Variants in SCARA3 observed in about 807,000 individuals in gnomAD.
SCARA3 encodes scavenger receptor class A member 3, also known as cellular stress response gene protein.
A neutral mutation model predicts 47.0 loss-of-function variants in SCARA3; 39 were observed. The ratio of observed to expected loss-of-function variants is 0.83; its 90% confidence interval spans 0.64 to 1.08. The LOEUF (loss-of-function observed/expected upper bound fraction) is 1.08. SCARA3 is among the 50% of genes least tolerant of loss of function. The probability of loss-of-function intolerance (pLI) is 0.00; values close to 1 mark genes in which losing one functional copy is unlikely to be tolerated. For synonymous variants in SCARA3, 356 were observed against 334.1 expected (o/e 1.07, Z -0.71); for missense variants, 724 against 792.3 (o/e 0.91, Z 1.04).
intron 1 of SCARA3, among the ~76,000 whole-genome samples, chr8:27,647,127 G>A (rs573499685): frequency 2.0e-5 from 3 of 151,952 alleles, no homozygotes; most frequent in Non-Finnish European, 4.4e-5. Flanking sequence ...ACATACACAG[G>A]TACACACACA....
rs201020809 is a variant in SCARA3 at position 27,649,777 on chromosome 8, C to T, written c.83C>T (p.Pro28Leu). ...CTGGCGGGTGACGACGAGGACATGC[C>T]GACCTTCCCATGCACCCAGAAGGGT... ...EDLAGDDEDM[P>L]TFPCTQKGRP... Residue 28 changes from proline to leucine, a missense_variant, in exon 2 of 6, where the codon CCG (proline) becomes CTG (leucine). Pro to Leu is a moderately conservative substitution (Grantham distance 98). Coordinates refer to ENST00000301904, the MANE Select transcript of SCARA3 (RefSeq NM_016240.3). 8.1e-5 allele frequency: 130 copies of T among 1,613,972 alleles called. No individual in the cohort carries two copies. Among genetic ancestry groups the T allele is most frequent in the Middle Eastern group, 3.3e-4 (2 of 6,080 alleles).
downstream of SCARA3, among the ~76,000 whole-genome samples, chr8:27,679,093 T>C (rs143034008): frequency 6.6e-6 from 1 of 152,302 alleles, no homozygotes; most frequent in South Asian, 2.1e-4. Flanking sequence ...TTGTTGCTTA[T>C]ATTTTATTGT....
At chr8:27,696,010 T>G in the SCARA3 span, among the ~76,000 whole-genome samples, 1 of 152,022 alleles carries the variant, frequency 6.6e-6, no homozygotes, top group Non-Finnish European at 1.5e-5. Flanking sequence ...GAATAAAGAT[T>G]TTTTTTATTT....
chr8:27,634,073 G>C lies in SCARA3; in HGVS notation c.-128G>C. The stretch of plus-strand genomic sequence containing the variant: ...CGCGCCGGAGCATGAGTCCCGGCCG[G>C]AGCCCCACGGCCGCGGGCGGCGCCT... On this transcript the variant is annotated 5_prime_UTR_variant, in exon 1 of 6. Coordinates refer to ENST00000301904, the MANE Select transcript of SCARA3 (RefSeq NM_016240.3). 1.2e-6 allele frequency: 1 copy of C among 802,468 alleles called. No homozygotes were observed. The highest frequency in any genetic ancestry group is 1.7e-6 in the Non-Finnish European group (1 of 577,886). The allele number at this position is 802,468 out of a possible 1,614,324, so 49.7% of individuals were successfully genotyped here. A position where few individuals can be genotyped will look rare whatever the true frequency, so the allele number is the denominator to read the frequency against.
Position 27,658,488 on chromosome 8 carries a change from C to A in SCARA3, c.326-8C>A, listed in dbSNP as rs774672864. 25 of 1,589,044 alleles carry A rather than the reference C, an allele frequency of 1.6e-5. No individual in the cohort carries two copies. In the Admixed American group the frequency reaches 2.3e-4, roughly 15 times the overall value. On this transcript the variant is annotated splice_region_variant and splice_polypyrimidine_tract_variant and intron_variant, in intron 4 of 5. Coordinates refer to ENST00000301904, the MANE Select transcript of SCARA3 (RefSeq NM_016240.3). ...AGCAACTCAAACTGTTATCCCTTTCCCCTAAAGATCCGAAAGCCCTGAACA... is the reference window on the plus strand; with the variant it reads ...AGCAACTCAAACTGTTATCCCTTTCACCTAAAGATCCGAAAGCCCTGAACA...
At chr8:27,714,116 A>T in the SCARA3 span, among the ~76,000 whole-genome samples, 3 of 151,220 alleles carry the variant, frequency 2.0e-5, no homozygotes, top group Non-Finnish European at 4.4e-5. Context: ...TGCCAGTGCC[A>T]TGCTTCCTGT....
the SCARA3 span, among the ~76,000 whole-genome samples, chr8:27,681,815 G>A: frequency 2.7e-3 from 410 of 152,300 alleles, 2 homozygotes; most frequent in Non-Finnish European, 4.2e-3. Context: ...TATATACCAT[G>A]TTCATGGATG....
At chr8:27,666,626 G>A (rs892768600) in intron 5 of SCARA3, among the ~76,000 whole-genome samples, 7 of 152,178 alleles carry the variant, frequency 4.6e-5, no homozygotes, top group African/African-American at 1.7e-4. Flanking sequence ...TGATGTCCAC[G>A]CCAATGTGCC....
chr8:27,677,733 C>G (rs1218274877), downstream of SCARA3, among the ~76,000 whole-genome samples: 2 of 152,182 alleles, frequency 1.3e-5, no homozygotes, highest in Admixed American at 1.3e-4. Context: ...ACTGCACCAG[C>G]TGTGGGTGAA....
Position 27,659,965 on chromosome 8 carries a change from T to C in SCARA3, c.1369+426T>C, listed in dbSNP as rs147020572. Among the ~76,000 whole-genome samples the C allele has an allele frequency of 6.0e-5, 9 of 149,936 alleles. No homozygotes were observed. The East Asian group carries it at 1.8e-3, about 31-fold the overall frequency. The stretch of plus-strand genomic sequence containing the variant: ...TTATGGCTTCTAACTTTGCCTATTA[T>C]ACAAATCTGGATTTTTGTATTTAGA... On this transcript the variant is annotated intron_variant, in intron 5 of 5. Transcript: ENST00000301904.
chr8:27,652,505 G>A (rs34500139), intron 3 of SCARA3, among the ~76,000 whole-genome samples: 6 of 152,164 alleles, frequency 3.9e-5, no homozygotes, highest in African/African-American at 9.7e-5. Flanking sequence ...GGCTCCGAGG[G>A]GGGCCCCCTG....
chr8:27,649,797 A>G lies in SCARA3; in HGVS notation c.103A>G (p.Lys35Glu). 1 of 1,613,534 alleles carries G rather than the reference A, an allele frequency of 6.2e-7. No homozygotes were observed. Among genetic ancestry groups the G allele is most frequent in the Non-Finnish European group, 8.5e-7 (1 of 1,179,694 alleles). The change falls in exon 2 of 6, where the codon AAG becomes GAG. Residue 35 changes from lysine to glutamate, a missense_variant. Coordinates refer to ENST00000301904, the MANE Select transcript of SCARA3 (RefSeq NM_016240.3). ...EDMPTFPCTQ[K>E]GRPGPRCSRC... ...CATGCCGACCTTCCCATGCACCCAG[A>G]AGGGTAAGGACTCTGGGGCTGCCCC...
the SCARA3 span, among the ~76,000 whole-genome samples, chr8:27,698,932 A>G: frequency 1.3e-3 from 194 of 152,178 alleles, no homozygotes; most frequent in Admixed American, 2.4e-3. Context: ...ATGTTCATGT[A>G]TAAGAAAACT....
intron 1 of SCARA3, among the ~76,000 whole-genome samples, chr8:27,648,789 TAAAG>T (rs34091310): frequency 0.21 from 27,541 of 133,824 alleles, 3,058 homozygotes; most frequent in Middle Eastern, 0.39. Context: ...AAGAAAGAGA[TAAAG>T]AGAGAGGGAG....
rs923163405 is a variant in SCARA3 at position 27,649,476 on chromosome 8, T to C, written c.8-226T>C. Reference sequence around the variant, plus strand: ...TGGCCCATGTGTCTTTCCCAGCGTGTGGAAAATGGGGAGCTCTCCTCACCC... The same window carrying C: ...TGGCCCATGTGTCTTTCCCAGCGTGCGGAAAATGGGGAGCTCTCCTCACCC... On this transcript the variant is annotated intron_variant, in intron 1 of 5. Transcript: ENST00000301904. 9.2e-5 allele frequency among the ~76,000 whole-genome samples: 14 copies of C among 152,186 alleles called. No homozygotes were observed. The Middle Eastern group carries it at 0.014, about 148-fold the overall frequency.
downstream of SCARA3, among the ~76,000 whole-genome samples, chr8:27,675,562 G>A (rs1202020598): frequency 2.0e-5 from 3 of 152,216 alleles, no homozygotes; most frequent in East Asian, 5.8e-4. Context: ...GGCCAAGGCA[G>A]GTGGATCACT....
At chr8:27,706,474 A>G in the SCARA3 span, among the ~76,000 whole-genome samples, 22 of 151,798 alleles carry the variant, frequency 1.4e-4, no homozygotes, top group Admixed American at 1.4e-3. Context: ...TTTAGATTTC[A>G]TCCTGAGTCT....
rs917026688 is a variant in SCARA3 at position 27,672,048 on chromosome 8, C to T, written c.*697C>T. On this transcript the variant is annotated 3_prime_UTR_variant, in exon 6 of 6. Transcript: ENST00000301904. ...CCCAAGGAAACCTTTGCGGGTGGGGCGTTACTGCCAAAACTCCAGAGGCAA... is the reference window on the plus strand; with the variant it reads ...CCCAAGGAAACCTTTGCGGGTGGGGTGTTACTGCCAAAACTCCAGAGGCAA... 5.1e-6 allele frequency: 5 copies of T among 985,302 alleles called. No homozygotes were observed. Among genetic ancestry groups the T allele is most frequent in the Non-Finnish European group, 6.0e-6 (5 of 829,936 alleles). 61.0% of individuals were successfully genotyped at this position (985,302 alleles called of 1,614,324 possible).
the SCARA3 span, among the ~76,000 whole-genome samples, chr8:27,688,146 T>C: frequency 6.6e-6 from 1 of 152,218 alleles, no homozygotes; most frequent in African/African-American, 2.4e-5. Context: ...AAAATATTTA[T>C]TAAATGTCTC....
Sources: allele counts gnomAD v4.1 joint callset (sites outside exome capture counted in the v4.1 genomes callset), GRCh38; gene constraint gnomAD v4.1.1; transcripts MANE v1.5; gene names NCBI Gene and HGNC (gene_info 2026-07-23, HGNC 2026-07-21).